TICAM1: variants seen among roughly 807,000 people sequenced by gnomAD.
The protein encoded by TICAM1 is TIR domain containing adaptor molecule 1.
For synonymous variants in TICAM1, 439 were observed against 415.4 expected (o/e 1.06, Z -0.69); for missense variants, 895 against 938.2 (o/e 0.95, Z 0.60).
At chr19:4,826,514 G>A (rs1224828150) in intron 1 of TICAM1, among the ~76,000 whole-genome samples, 3 of 151,958 alleles carry the variant, frequency 2.0e-5, no homozygotes, top group African/African-American at 4.8e-5. Context: ...TAGTAGAGAC[G>A]GGGTTTCACC....
At chr19:4,826,329 ATT>A (rs2093605376) in intron 1 of TICAM1, among the ~76,000 whole-genome samples, 1 of 151,312 alleles carries the variant, frequency 6.6e-6, no homozygotes, top group African/African-American at 2.4e-5. Context: ...TTATTTATTT[ATT>A]TATATATTTT....
intron 1 of TICAM1, among the ~76,000 whole-genome samples, chr19:4,829,124 T>C (rs914112658): frequency 2.6e-5 from 4 of 152,162 alleles, no homozygotes; most frequent in Non-Finnish European, 4.4e-5. Flanking sequence ...CATGAGCCAC[T>C]GCGCCCGGCC....
In TICAM1 at chr19:4,816,890, C is replaced by T. The variant is rs772462289; in HGVS notation, c.1488G>A (p.Pro496=). The stretch of plus-strand genomic sequence containing the variant: ...TGGCCGTGTCGGAGCTGAGCTGGGC[C>T]GGGGAGCTCTCCAGGGGCAGGAAGG... The part of the protein sequence containing the change: ...VIPFLPLESS[P]AQLSSDTASL... The change falls in exon 2 of 2, where the codon CCG becomes CCA. Residue 496 remains proline (P), a synonymous_variant. Transcript: ENST00000248244. This position sits in a 1 kb window ranked among gnomAD's most constrained non-coding sequence, Gnocchi z 4.3. 4.7e-5 allele frequency: 76 copies of T among 1,612,936 alleles called. No individual in the cohort carries two copies. Among genetic ancestry groups the T allele is most frequent in the Non-Finnish European group, 5.8e-5 (69 of 1,180,040 alleles).
chr19:4,826,485 C>T (rs1024682099), intron 1 of TICAM1, among the ~76,000 whole-genome samples: 13 of 151,962 alleles, frequency 8.6e-5, no homozygotes, highest in African/African-American at 1.9e-4. Flanking sequence ...CCATCATACC[C>T]GGCTAATTTT....
chr19:4,830,591 C>T (rs1193085900), intron 1 of TICAM1, among the ~76,000 whole-genome samples: 2 of 152,160 alleles, frequency 1.3e-5, no homozygotes, highest in Admixed American at 6.6e-5. Flanking sequence ...TTCAAAGTGC[C>T]ACTGCATATC....
chr19:4,818,339 G>A lies in TICAM1; in HGVS notation c.39C>T (p.Asp13=). The change falls in exon 2 of 2, where the codon GAC becomes GAT. Residue 13 remains aspartate (D), a synonymous_variant. Transcript: ENST00000248244. This position sits in a 1 kb window ranked among gnomAD's most constrained non-coding sequence, Gnocchi z 4.0. ...CTGPSLPSAF[D]ILGAAGQDKL... ...TGTCCTGGCCTGCTGCACCTAGAAT[G>A]TCGAAGGCGCTAGGAAGTGATGGGC... 1 of 1,611,270 alleles carries A rather than the reference G, an allele frequency of 6.2e-7. No homozygotes were observed. Among genetic ancestry groups the A allele is most frequent in the Non-Finnish European group, 8.5e-7 (1 of 1,179,156 alleles).
intron 1 of TICAM1, among the ~76,000 whole-genome samples, chr19:4,825,579 G>C (rs527464557): frequency 6.6e-6 from 1 of 151,922 alleles, no homozygotes; most frequent in African/African-American, 2.4e-5. Flanking sequence ...TATAATCCCA[G>C]TACTTTAGGG....
chr19:4,828,995 C>T (rs1322707518), intron 1 of TICAM1, among the ~76,000 whole-genome samples: 1 of 152,100 alleles, frequency 6.6e-6, no homozygotes, highest in Non-Finnish European at 1.5e-5. Flanking sequence ...CCACCACGCC[C>T]TGCTAGTTTT....
chr19:4,819,847 C>A (rs765329047), intron 1 of TICAM1, among the ~76,000 whole-genome samples: 3 of 151,842 alleles, frequency 2.0e-5, no homozygotes, highest in Non-Finnish European at 4.4e-5. Context: ...TGCACTCCAG[C>A]CTGGGCAACA....
rs749264598 is a variant in TICAM1 at position 4,818,043 on chromosome 19, G to A, written c.335C>T (p.Ser112Leu). ...LLAEEKLCPA[S>L]LRDVAYQEAV... ...TTCCTGGTAGGCCACGTCCCGCAGC[G>A]AGGCGGGGCACAGCTTCTCCTCAGC... The change falls in exon 2 of 2, where the codon TCG becomes TTG. Residue 112 changes from serine to leucine, a missense_variant. Physicochemically the swap from Ser to Leu is moderately radical, Grantham distance 145. Coordinates refer to ENST00000248244, the MANE Select transcript of TICAM1 (RefSeq NM_182919.4). The surrounding 1 kb of genome is among the most constrained non-coding windows in gnomAD (Gnocchi z 4.0). The A allele has an allele frequency of 3.7e-6, 6 of 1,608,808 alleles. No individual in the cohort carries two copies. Among genetic ancestry groups the A allele is most frequent in the Non-Finnish European group, 4.2e-6 (5 of 1,179,920 alleles).
intron 1 of TICAM1, among the ~76,000 whole-genome samples, chr19:4,828,944 G>T (rs552450101): frequency 6.6e-6 from 1 of 152,008 alleles, no homozygotes; most frequent in African/African-American, 2.4e-5. Context: ...CTCGTGATCC[G>T]CCTGCCTTGG....
At position 4,816,189 on chromosome 19, in the gene TICAM1, G is replaced by T; in HGVS notation, c.*50C>A. 1 of 1,463,782 alleles carries T rather than the reference G, an allele frequency of 6.8e-7. No individual in the cohort carries two copies. The highest frequency in any genetic ancestry group is 9.0e-7 in the Non-Finnish European group (1 of 1,113,280). The allele number at this position is 1,463,782 out of a possible 1,614,324, so 90.7% of individuals were successfully genotyped here. On this transcript the variant is annotated 3_prime_UTR_variant, in exon 2 of 2. Transcript: ENST00000248244. This position sits in a 1 kb window ranked among gnomAD's most constrained non-coding sequence, Gnocchi z 4.3. ...CGGGGTGCTCTATGGGGTCCTGGCCGATGCCTGGGTCCAGGGGTGTTCCCC... is the reference window on the plus strand; with the variant it reads ...CGGGGTGCTCTATGGGGTCCTGGCCTATGCCTGGGTCCAGGGGTGTTCCCC...
rs766416767 is a variant in TICAM1 at position 4,818,348 on chromosome 19, G to A, written c.30C>T (p.Ser10=). Residue 10 remains serine (S), a synonymous_variant, in exon 2 of 2, where the codon AGC becomes AGT. Transcript: ENST00000248244. The surrounding 1 kb of genome is among the most constrained non-coding windows in gnomAD (Gnocchi z 4.0). ...CTGCTGCACCTAGAATGTCGAAGGC[G>A]CTAGGAAGTGATGGGCCTGTGCAGG... MACTGPSLP[S]AFDILGAAGQ... 15 of 1,609,170 alleles carry A rather than the reference G, an allele frequency of 9.3e-6. No individual in the cohort carries two copies. Among genetic ancestry groups the A allele is most frequent in the East Asian group, 2.2e-5 (1 of 44,878 alleles).
rs2093591976 is a variant in TICAM1 at position 4,818,550 on chromosome 19, C to T, written c.-139-34G>A. On this transcript the variant is annotated intron_variant, in intron 1 of 1. Transcript: ENST00000248244. This position sits in a 1 kb window ranked among gnomAD's most constrained non-coding sequence, Gnocchi z 4.0. ...AACAGGAGAAGCAAACACACTTACCCCCAAGAAAGGTCAGCACGGGAAGGC... is the reference window on the plus strand; with the variant it reads ...AACAGGAGAAGCAAACACACTTACCTCCAAGAAAGGTCAGCACGGGAAGGC... 3 of 1,359,496 alleles carry T rather than the reference C, an allele frequency of 2.2e-6. No homozygotes were observed. The South Asian group carries it at 5.5e-5, about 25-fold the overall frequency. The allele number at this position is 1,359,496 out of a possible 1,614,324, so 84.2% of individuals were successfully genotyped here. A position where few individuals can be genotyped will look rare whatever the true frequency, so the allele number is the denominator to read the frequency against.
chr19:4,825,369 C>T (rs1374684506), intron 1 of TICAM1, among the ~76,000 whole-genome samples: 1 of 152,030 alleles, frequency 6.6e-6, no homozygotes, highest in Non-Finnish European at 1.5e-5. Context: ...TGTGACATGC[C>T]ATTTAGCTAT....
intron 1 of TICAM1, among the ~76,000 whole-genome samples, chr19:4,827,936 G>T (rs1371576064): frequency 1.3e-5 from 2 of 151,966 alleles, no homozygotes; most frequent in Admixed American, 1.3e-4. Flanking sequence ...ACGGTTGTGT[G>T]TATAACTTAC....
chr19:4,817,305 G>C lies in TICAM1; in HGVS notation c.1073C>G (p.Thr358Arg). The C allele has an allele frequency of 1.2e-6, 2 of 1,612,682 alleles. No homozygotes were observed. The highest frequency in any genetic ancestry group is 1.7e-6 in the Non-Finnish European group (2 of 1,179,712). ...AGGAGGAGGAGGAGGAGGAGGGGAT[G>C]TTTCTGGGGTGGTGGGAGTAGGTGG... ...PCPPTPTTPE[T>R]SPPPPPPPPS... Residue 358 changes from threonine (T) to arginine (R), a missense_variant, in exon 2 of 2, where the codon ACA (threonine) becomes AGA (arginine). Transcript: ENST00000248244. This position sits in a 1 kb window ranked among gnomAD's most constrained non-coding sequence, Gnocchi z 4.7.
chr19:4,826,514 G>C (rs1224828150), intron 1 of TICAM1, among the ~76,000 whole-genome samples: 2 of 151,960 alleles, frequency 1.3e-5, no homozygotes, highest in Non-Finnish European at 2.9e-5. Context: ...TAGTAGAGAC[G>C]GGGTTTCACC....
In TICAM1 at chr19:4,818,047, C is replaced by T. The variant is rs201291933; in HGVS notation, c.331G>A (p.Ala111Thr). The change falls in exon 2 of 2, where the codon GCC (alanine) becomes ACC (threonine). Residue 111 changes from alanine to threonine, a missense_variant. Transcript: ENST00000248244. The surrounding 1 kb of genome is among the most constrained non-coding windows in gnomAD (Gnocchi z 4.0). Reference sequence around the variant, plus strand: ...TGGTAGGCCACGTCCCGCAGCGAGGCGGGGCACAGCTTCTCCTCAGCCAGC... The same window carrying T: ...TGGTAGGCCACGTCCCGCAGCGAGGTGGGGCACAGCTTCTCCTCAGCCAGC... ...HLLAEEKLCP[A>T]SLRDVAYQEA... The T allele has an allele frequency of 2.2e-4, 358 of 1,608,408 alleles. No homozygotes were observed. Among genetic ancestry groups the T allele is most frequent in the Non-Finnish European group, 2.9e-4 (341 of 1,179,912 alleles).
Sources: allele counts gnomAD v4.1 joint callset (sites outside exome capture counted in the v4.1 genomes callset), GRCh38; gene constraint gnomAD v4.1.1; non-coding constraint Gnocchi (gnomAD v3.1); transcripts MANE v1.5; gene names NCBI Gene and HGNC (gene_info 2026-07-23, HGNC 2026-07-21).